Variants in TMTC1 observed in about 807,000 individuals in gnomAD.
The protein encoded by TMTC1 is protein O-mannosyl-transferase TMTC1.
Under a neutral mutation model 104.8 loss-of-function variants are expected in TMTC1, and 73 were observed. That is an observed-to-expected ratio of 0.70 (90% CI 0.58 to 0.85). The LOEUF is 0.85. Ranked by LOEUF, TMTC1 falls within the 40% of genes least tolerant of loss-of-function variation. The pLI, the probability that TMTC1 is intolerant of heterozygous loss-of-function variation, is 0.00. For missense variants in TMTC1, 1,035 were observed against 1,096.1 expected (o/e 0.94, Z 0.79); for synonymous variants, 434 against 428.7 (o/e 1.01, Z -0.15).
At chr12:29,600,022 T>TC (rs1946522264) in intron 7 of TMTC1, among the ~76,000 whole-genome samples, 1 of 143,884 alleles carries the variant, frequency 7.0e-6, no homozygotes, top group African/African-American at 2.7e-5. Flanking sequence ...TTTTTTTTTT[T>TC]TCCCTCAAAA....
At chr12:29,643,890 TATAA>T (rs1279094743) in intron 5 of TMTC1, among the ~76,000 whole-genome samples, 33 of 105,384 alleles carry the variant, frequency 3.1e-4, no homozygotes, top group African/African-American at 1.1e-3. Flanking sequence ...TTTAAATATA[TATAA>T]ATAAATATAA....
chr12:29,548,766 CTATATTTA>C (rs1216249505), intron 10 of TMTC1, among the ~76,000 whole-genome samples: 8 of 144,062 alleles, frequency 5.6e-5, no homozygotes, highest in East Asian at 2.0e-4. Context: ...AATTCTACAC[CTATATTTA>C]TATATTTATA....
chr12:29,702,788 T>C (rs556227817), intron 5 of TMTC1, among the ~76,000 whole-genome samples: 2 of 152,098 alleles, frequency 1.3e-5, no homozygotes, highest in African/African-American at 4.8e-5. Context: ...TTCATTGACA[T>C]AAGAAAAAAA....
At position 29,738,464 on chromosome 12, in the gene TMTC1, A is replaced by G. The variant is rs74080000; in HGVS notation, c.938+13202T>C. On this transcript the variant is annotated intron_variant, in intron 5 of 17. Transcript: ENST00000539277. Reference sequence around the variant, plus strand: ...CCTGGCAGTTAACAGCTATAGTCTCACATTGAGCTGCACTTGCTACATCAC... The same window carrying G: ...CCTGGCAGTTAACAGCTATAGTCTCGCATTGAGCTGCACTTGCTACATCAC... Among the ~76,000 whole-genome samples the G allele has an allele frequency of 5.5e-3, 844 of 152,334 alleles. 14 individuals are homozygous for G. Among genetic ancestry groups the G allele is most frequent in the African/African-American group, 0.018 (754 of 41,584 alleles).
chr12:29,540,990 G>C (rs1171728216), intron 10 of TMTC1, among the ~76,000 whole-genome samples: 1 of 107,262 alleles, frequency 9.3e-6, no homozygotes, highest in Non-Finnish European at 2.4e-5. Flanking sequence ...GTGAGACTCT[G>C]TCTCAAAAAA....
Position 29,783,547 on chromosome 12 carries a change from G to C in TMTC1, c.205C>G (p.Leu69Val), listed in dbSNP as rs1312254398. 2.0e-6 allele frequency: 3 copies of C among 1,475,150 alleles called. No individual in the cohort carries two copies. Among genetic ancestry groups the C allele is most frequent in the Non-Finnish European group, 2.7e-6 (3 of 1,115,182 alleles). The allele number at this position is 1,475,150 out of a possible 1,614,324, so 91.4% of individuals were successfully genotyped here. The change falls in exon 1 of 18, where the codon CTC becomes GTC. Residue 69 changes from leucine (L) to valine (V), a missense_variant. Coordinates refer to ENST00000539277, the MANE Select transcript of TMTC1 (RefSeq NM_001193451.2). This position sits in a 1 kb window ranked among gnomAD's most constrained non-coding sequence, Gnocchi z 4.7. Reference sequence around the variant, plus strand: ...TCGTTGGTGAAGATGCCCCAGCGGAGCGGGGCGCCGGGCCGCACGTCGGGG... The same window carrying C: ...TCGTTGGTGAAGATGCCCCAGCGGACCGGGGCGCCGGGCCGCACGTCGGGG... The part of the protein sequence containing the change: ...NNPDVRPGAP[L>V]RWGIFTNDFW...
intron 17 of TMTC1, among the ~76,000 whole-genome samples, chr12:29,511,784 A>T (rs1017043676): frequency 6.6e-6 from 1 of 152,180 alleles, no homozygotes; most frequent in Non-Finnish European, 1.5e-5. Flanking sequence ...GGTACATATG[A>T]TTTTCTTCAT....
chr12:29,701,582 T>G (rs1941595547), intron 5 of TMTC1, among the ~76,000 whole-genome samples: 1 of 152,230 alleles, frequency 6.6e-6, no homozygotes, highest in Admixed American at 6.5e-5. Context: ...CTTTCACTCC[T>G]CTTTTATCCT....
chr12:29,619,415 A>AT (rs1302411751), intron 6 of TMTC1, among the ~76,000 whole-genome samples: 2 of 152,196 alleles, frequency 1.3e-5, no homozygotes, highest in African/African-American at 4.8e-5. Context: ...AAGGAGAATA[A>AT]TTTTACAGGT....
chr12:29,751,506 A>C (rs1203260258), intron 5 of TMTC1, among the ~76,000 whole-genome samples, 160 bp downstream of exon 5: 2 of 152,076 alleles, frequency 1.3e-5, no homozygotes, highest in Non-Finnish European at 1.5e-5. Flanking sequence ...GAAGGAAGGG[A>C]GGGAAATAGG....
At chr12:29,537,621 G>C (rs1319822655) in intron 10 of TMTC1, among the ~76,000 whole-genome samples, 3 of 152,118 alleles carry the variant, frequency 2.0e-5, no homozygotes, top group African/African-American at 7.2e-5. Flanking sequence ...GCCCCATCCA[G>C]ACCTACTGAA....
intron 5 of TMTC1, among the ~76,000 whole-genome samples, chr12:29,683,612 A>G (rs1317154755): frequency 6.6e-6 from 1 of 152,212 alleles, no homozygotes; most frequent in East Asian, 1.9e-4. Context: ...TTGCCACAGC[A>G]GTTCTGAAAA....
At chr12:29,655,403 A>AT (rs1939710871) in intron 5 of TMTC1, among the ~76,000 whole-genome samples, 1 of 152,192 alleles carries the variant, frequency 6.6e-6, no homozygotes, top group African/African-American at 2.4e-5. Flanking sequence ...TAAAACTAAT[A>AT]TTTTAAGTTT....
chr12:29,728,522 GA>G (rs1196215103), intron 5 of TMTC1, among the ~76,000 whole-genome samples: 3 of 152,144 alleles, frequency 2.0e-5, no homozygotes, highest in Admixed American at 2.0e-4. Context: ...TGACTACCCA[GA>G]AGCTTATCCT....
rs114355040 is a variant in TMTC1 at position 29,567,359 on chromosome 12, C to T, written c.1532+4746G>A. ...ATTATGGAGATTTCATTTTGAAATT[C>T]AGCTCATAAGTATGGCCACAATGTG... On this transcript the variant is annotated intron_variant, in intron 9 of 17. Coordinates refer to ENST00000539277, the MANE Select transcript of TMTC1 (RefSeq NM_001193451.2). Among the ~76,000 whole-genome samples, 1,019 of 152,182 alleles carry T rather than the reference C, an allele frequency of 6.7e-3. 8 individuals are homozygous for T. The highest frequency in any genetic ancestry group is 0.023 in the African/African-American group (973 of 41,522).
chr12:29,659,292 G>A (rs1020879469), intron 5 of TMTC1, among the ~76,000 whole-genome samples: 12 of 152,210 alleles, frequency 7.9e-5, no homozygotes, highest in Non-Finnish European at 1.5e-4. Context: ...GTAATCTCCA[G>A]TGTGGTAGTG....
In TMTC1 at chr12:29,752,808, T is replaced by C. The variant is rs866515734; in HGVS notation, c.732-936A>G. 6.6e-5 allele frequency among the ~76,000 whole-genome samples: 10 copies of C among 152,280 alleles called. No individual in the cohort carries two copies. The Middle Eastern group carries it at 0.017, about 259-fold the overall frequency. ...TTTGCTATTCACTAGCATGTGTGTA[T>C]ATGAAGTAAAGTCCTAGAAACTATC... is the stretch of plus-strand genomic sequence containing the variant. On this transcript the variant is annotated intron_variant, in intron 4 of 17. Coordinates refer to ENST00000539277, the MANE Select transcript of TMTC1 (RefSeq NM_001193451.2).
chr12:29,671,546 C>T (rs1183081936), intron 5 of TMTC1, among the ~76,000 whole-genome samples: 2 of 151,112 alleles, frequency 1.3e-5, no homozygotes, highest in East Asian at 2.0e-4. Flanking sequence ...TCTAAACACG[C>T]TAATTCTTTA....
At chr12:29,637,624 T>A (rs1591838450) in intron 5 of TMTC1, among the ~76,000 whole-genome samples, 1 of 152,190 alleles carries the variant, frequency 6.6e-6, no homozygotes, top group African/African-American at 2.4e-5. Flanking sequence ...AAATGGCACC[T>A]AACAAAACTG....
Sources: allele counts gnomAD v4.1 joint callset (sites outside exome capture counted in the v4.1 genomes callset), GRCh38; gene constraint gnomAD v4.1.1; non-coding constraint Gnocchi (gnomAD v3.1); transcripts MANE v1.5; gene names NCBI Gene and HGNC (gene_info 2026-07-23, HGNC 2026-07-21).